The following TCAF1 variants were observed in gnomAD, a reference collection of about 807,000 sequenced individuals.
TCAF1 encodes the protein TRPM8 channel-associated factor 1.
Under a neutral mutation model 27.3 loss-of-function variants are expected in TCAF1, and 4 were observed. The ratio of observed to expected loss-of-function variants is 0.15; its 90% CI spans 0.07 to 0.34. The LOEUF is 0.34. Among genes scored for constraint, TCAF1 ranks in the 10% least tolerant of loss-of-function variants. The pLI is 1.00. For synonymous variants in TCAF1, 105 were observed against 167.1 expected, an observed-to-expected ratio of 0.63 and a Z score of 2.87; for missense variants, 257 against 425.8, an observed-to-expected ratio of 0.60 and a Z score of 3.49.
At position 143,900,645 on chromosome 7, in the gene TCAF1, T is replaced by C. The variant is rs932903800; in HGVS notation, c.-15+1316A>G. Among the ~76,000 whole-genome samples, 6 of 152,264 alleles carry C rather than the reference T, an allele frequency of 3.9e-5. No homozygotes were observed. In the East Asian group the frequency reaches 1.2e-3, roughly 29 times the overall value. The stretch of plus-strand genomic sequence containing the variant: ...CTCCTGGATTCCTGATCACAGAAAC[T>C]GTAAGATAGGAGGTAACAGGACTTG... On this transcript the variant is annotated intron_variant, in intron 1 of 8. Coordinates refer to ENST00000479870, the MANE Select transcript of TCAF1 (RefSeq NM_014719.3).
At chr7:143,882,512 A>G (rs1813115059) in intron 1 of TCAF1, 1 of 985,286 alleles carries the variant, frequency 1.0e-6, no homozygotes, top group Non-Finnish European at 1.2e-6. Flanking sequence ...GGGATGCGGG[A>G]CCCAAGCGCA....
intron 1 of TCAF1, chr7:143,885,436 C>T (rs970783417): frequency 1.4e-5 from 14 of 985,410 alleles, no homozygotes; most frequent in Non-Finnish European, 1.6e-5. Context: ...GGCCGCCGCC[C>T]CCGGACCGCA....
chr7:143,880,313 C>T (rs558529608), intron 1 of TCAF1, among the ~76,000 whole-genome samples: 1 of 152,246 alleles, frequency 6.6e-6, no homozygotes, highest in South Asian at 2.1e-4. Context: ...CTCAAAATCA[C>T]ACAGGTGCTA....
At chr7:143,860,031 A>AT in intron 6 of TCAF1, among the ~76,000 whole-genome samples, 177 bp downstream of exon 6, 1 of 59,922 alleles carries the variant, frequency 1.7e-5, no homozygotes, top group South Asian at 3.9e-4. Context: ...TATATATTAT[A>AT]TATATAATAT....
chr7:143,887,537 A>C (rs1425660592), intron 1 of TCAF1, among the ~76,000 whole-genome samples: 1 of 152,212 alleles, frequency 6.6e-6, no homozygotes, highest in African/African-American at 2.4e-5. Context: ...ACTATTATTC[A>C]GTAATACCAC....
At chr7:143,883,159 G>A (rs1159577038) in intron 1 of TCAF1, among the ~76,000 whole-genome samples, 1 of 152,202 alleles carries the variant, frequency 6.6e-6, no homozygotes, top group African/African-American at 2.4e-5. Context: ...CAGTTCTTAG[G>A]AAGAGCTTGA....
intron 1 of TCAF1, chr7:143,885,622 T>G: frequency 1.1e-6 from 1 of 924,408 alleles, no homozygotes; most frequent in Non-Finnish European, 1.3e-6. Flanking sequence ...TAAAATAATA[T>G]ACAACTATTT....
rs188135631 is a variant in TCAF1 at position 143,885,848 on chromosome 7, T to C, written c.-14-9226A>G. On this transcript the variant is annotated intron_variant, in intron 1 of 8. Coordinates refer to ENST00000479870, the MANE Select transcript of TCAF1 (RefSeq NM_014719.3). ...CAGTTACTTCAGACAGGAAAGTGGATTACTTGTTATTTTTTTCTTGATACA... is the reference window on the plus strand; with the variant it reads ...CAGTTACTTCAGACAGGAAAGTGGACTACTTGTTATTTTTTTCTTGATACA... 2.4e-3 allele frequency among the ~76,000 whole-genome samples: 366 copies of C among 152,250 alleles called. 4 individuals are homozygous for C. The highest frequency in any genetic ancestry group is 8.6e-3 in the African/African-American group (358 of 41,542).
chr7:143,875,316 C>T (rs1812633589), intron 2 of TCAF1, among the ~76,000 whole-genome samples: 1 of 152,160 alleles, frequency 6.6e-6, no homozygotes, highest in East Asian at 1.9e-4. Flanking sequence ...GTTTACTGAG[C>T]ACCTACTGAC....
At chr7:143,882,903 G>C in intron 1 of TCAF1, 1 of 976,040 alleles carries the variant, frequency 1.0e-6, no homozygotes, top group Non-Finnish European at 1.2e-6. Context: ...TTCCACGGGA[G>C]TCCCCTCCTC....
chr7:143,884,434 C>G (rs998251953), intron 1 of TCAF1, among the ~76,000 whole-genome samples: 1 of 152,134 alleles, frequency 6.6e-6, no homozygotes, highest in African/African-American at 2.4e-5. Context: ...ACCTGAGAGA[C>G]AGTGAGCACA....
chr7:143,876,685 G>A lies in TCAF1; in HGVS notation c.-14-63C>T. ...ATGGATAAACAAAGAAACAAATAGA[G>A]CAGTTCACTCTTCCAGTAGCTGGGC... is the stretch of plus-strand genomic sequence containing the variant. On this transcript the variant is annotated intron_variant, in intron 1 of 8. Coordinates refer to ENST00000479870, the MANE Select transcript of TCAF1 (RefSeq NM_014719.3). The A allele has an allele frequency of 1.1e-5, 14 of 1,310,946 alleles. 1 individual carries two copies. The Middle Eastern group carries it at 1.0e-3, about 94-fold the overall frequency. 81.2% of individuals were successfully genotyped at this position (1,310,946 alleles called of 1,614,324 possible). A position where few individuals can be genotyped will look rare whatever the true frequency, so the allele number is the denominator to read the frequency against.
At chr7:143,883,792 A>C (rs1160088832) in intron 1 of TCAF1, among the ~76,000 whole-genome samples, 3 of 152,274 alleles carry the variant, frequency 2.0e-5, no homozygotes, top group Middle Eastern at 3.4e-3. Flanking sequence ...GGCGTGAGCC[A>C]CCATCGTGCC....
intron 1 of TCAF1, among the ~76,000 whole-genome samples, chr7:143,880,248 T>A (rs1281560174): frequency 6.6e-6 from 1 of 152,180 alleles, no homozygotes; most frequent in Non-Finnish European, 1.5e-5. Context: ...CCCCATTTTA[T>A]GGATGGGCAA....
chr7:143,882,502 G>A, intron 1 of TCAF1: 1 of 985,328 alleles, frequency 1.0e-6, no homozygotes, highest in Non-Finnish European at 1.2e-6. Context: ...ATGCGGCAGG[G>A]GGATGCGGGA....
chr7:143,879,127 A>G (rs111897658), intron 1 of TCAF1, among the ~76,000 whole-genome samples: 1 of 152,068 alleles, frequency 6.6e-6, no homozygotes, highest in Admixed American at 6.5e-5. Context: ...TTTTCATTTT[A>G]GATTATCTTC....
chr7:143,857,588 G>A (rs1811594719), intron 7 of TCAF1, among the ~76,000 whole-genome samples: 1 of 152,302 alleles, frequency 6.6e-6, no homozygotes, highest in African/African-American at 2.4e-5. Context: ...CTAAATCAGT[G>A]AGGGCCATGG....
chr7:143,876,604 G>A lies in TCAF1; in HGVS notation c.5C>T (p.Ala2Val), dbSNP rs768803367. Residue 2 changes from alanine to valine, a missense_variant, in exon 2 of 9, where the codon GCG becomes GTG. By Grantham distance (64) the Ala-to-Val change is moderately conservative. Transcript: ENST00000479870. ...GGCCTCGAAGGCAGCAGAGGGAGTC[G>A]CCATGGCTCTATTGGTTTCTGCAGA... M[A>V]TPSAAFEALM... 1.3e-5 allele frequency: 20 copies of A among 1,504,798 alleles called. 1 individual carries two copies. In the South Asian group the frequency reaches 1.6e-4, roughly 12 times the overall value. 93.2% of individuals were successfully genotyped at this position (1,504,798 alleles called of 1,614,324 possible). A position where few individuals can be genotyped will look rare whatever the true frequency, so the allele number is the denominator to read the frequency against.
Position 143,878,843 on chromosome 7 carries a change from C to A in TCAF1, c.-14-2221G>T, listed in dbSNP as rs373307617. ...TTGTTCATGGTTTCCAATCACACTG[C>A]CATTAACCTAGTTTAGGTCCTTAGT... On this transcript the variant is annotated intron_variant, in intron 1 of 8. Coordinates refer to ENST00000479870, the MANE Select transcript of TCAF1 (RefSeq NM_014719.3). 1.2e-4 allele frequency among the ~76,000 whole-genome samples: 19 copies of A among 152,316 alleles called. No homozygotes were observed. In the South Asian group the frequency reaches 3.7e-3, roughly 30 times the overall value.
Sources: allele counts gnomAD v4.1 joint callset (sites outside exome capture counted in the v4.1 genomes callset), GRCh38; gene constraint gnomAD v4.1.1; transcripts MANE v1.5; gene names NCBI Gene and HGNC (gene_info 2026-07-23, HGNC 2026-07-21).